The following DLGAP4 variants were observed in gnomAD, a reference collection of about 807,000 sequenced individuals.
The protein encoded by DLGAP4 is DLG associated protein 4, also known as disks large-associated protein 4.
Under a neutral mutation model 86.9 loss-of-function variants are expected in DLGAP4, and 18 were observed. The observed-to-expected ratio is 0.21, with a 90% CI of 0.14 to 0.31. DLGAP4 has a LOEUF of 0.31. Among genes scored for constraint, DLGAP4 ranks in the 10% least tolerant of loss-of-function variants. DLGAP4 has a pLI of 1.00. For synonymous variants in DLGAP4, 548 were observed against 574.3 expected (o/e 0.95, Z 0.65); for missense variants, 1,085 against 1,362.6 (o/e 0.80, Z 3.21).
chr20:36,325,897 T>C (rs2065211536), intron 1 of DLGAP4, among the ~76,000 whole-genome samples: 1 of 151,884 alleles, frequency 6.6e-6, no homozygotes, highest in African/African-American at 2.4e-5. Context: ...TTTGTATTTT[T>C]AGTAGAGACA....
At chr20:36,517,138 G>A (rs1600703493) in intron 10 of DLGAP4, among the ~76,000 whole-genome samples, 2 of 151,610 alleles carry the variant, frequency 1.3e-5, no homozygotes, top group South Asian at 2.1e-4. Context: ...CAGCACTTTC[G>A]GAGGCCGAGG....
intron 2 of DLGAP4, among the ~76,000 whole-genome samples, chr20:36,368,804 G>A (rs914472737): frequency 6.6e-6 from 1 of 152,220 alleles, no homozygotes; most frequent in Non-Finnish European, 1.5e-5. Context: ...GTTTGGCATC[G>A]CACTAAATGC....
intron 7 of DLGAP4, among the ~76,000 whole-genome samples, chr20:36,486,002 C>T (rs1478914716): frequency 1.3e-5 from 2 of 152,094 alleles, no homozygotes; most frequent in South Asian, 4.1e-4. Context: ...TGTGGTGGGG[C>T]GTGATCTGAA....
Position 36,475,952 on chromosome 20 carries a change from C to T in DLGAP4, c.1649-20753C>T, listed in dbSNP as rs191768825. Among the ~76,000 whole-genome samples, 49 of 152,056 alleles carry T rather than the reference C, an allele frequency of 3.2e-4. No individual in the cohort carries two copies. The East Asian group carries it at 8.2e-3, about 25-fold the overall frequency. On this transcript the variant is annotated intron_variant, in intron 7 of 12. Transcript: ENST00000339266. ...TCGGCTCACTGCAACCTTCGCCTCC[C>T]GGGTTCAAGCAATTCTCGTGCCTCA...
At chr20:36,466,713 A>G (rs926636424) in intron 7 of DLGAP4, among the ~76,000 whole-genome samples, 1 of 152,226 alleles carries the variant, frequency 6.6e-6, no homozygotes, top group African/African-American at 2.4e-5. Context: ...TGGCTGTTCC[A>G]CAGCATGGAG....
At chr20:36,491,171 G>A (rs1158947715) in intron 7 of DLGAP4, among the ~76,000 whole-genome samples, 2 of 150,094 alleles carry the variant, frequency 1.3e-5, no homozygotes, top group Admixed American at 6.6e-5. Context: ...CAGCCTGGGC[G>A]ACAGAACAAG....
At position 36,427,541 on chromosome 20, in the gene DLGAP4, C is replaced by T. The variant is rs185000977; in HGVS notation, c.-72-4105C>T. On this transcript the variant is annotated intron_variant, in intron 2 of 12. Coordinates refer to ENST00000339266, the MANE Select transcript of DLGAP4 (RefSeq NM_001365621.2). ...AAGGAAGGAAGGAAATATTTCGGAA[C>T]TAGATGGAGGTAGTGATTACACAGC... Among the ~76,000 whole-genome samples, 45 of 151,854 alleles carry T rather than the reference C, an allele frequency of 3.0e-4. No individual in the cohort carries two copies. The East Asian group carries it at 6.4e-3, about 22-fold the overall frequency.
intron 7 of DLGAP4, chr20:36,462,201 G>T: frequency 9.1e-7 from 1 of 1,094,016 alleles, no homozygotes; most frequent in Non-Finnish European, 1.1e-6. Flanking sequence ...TTCTCCTTGG[G>T]ACCCCCCAAT....
At chr20:36,402,751 A>G (rs535195790) in intron 2 of DLGAP4, among the ~76,000 whole-genome samples, 1 of 149,910 alleles carries the variant, frequency 6.7e-6, no homozygotes, top group African/African-American at 2.4e-5. Context: ...ATAAAAAAAA[A>G]TTTTTTTTTA....
At position 36,431,019 on chromosome 20, in the gene DLGAP4, A is replaced by C. The variant is rs1005847473; in HGVS notation, c.-72-627A>C. On this transcript the variant is annotated intron_variant, in intron 2 of 12. Transcript: ENST00000339266. The surrounding 1 kb of genome is among the most constrained non-coding windows in gnomAD (Gnocchi z 5.1). ...AAGTCCATGTTTTTCCCCATAAGGCAAGGAGAGTTCAGGAGCCCTGGGGAC... is the reference window on the plus strand; with the variant it reads ...AAGTCCATGTTTTTCCCCATAAGGCCAGGAGAGTTCAGGAGCCCTGGGGAC... Among the ~76,000 whole-genome samples the C allele has an allele frequency of 6.6e-6, 1 of 151,556 alleles. No homozygotes were observed. Among genetic ancestry groups the C allele is most frequent in the Non-Finnish European group, 1.5e-5 (1 of 67,952 alleles).
intron 2 of DLGAP4, among the ~76,000 whole-genome samples, chr20:36,380,593 AAGAGAGAGAGAGAGAGAGAGAG>A (rs57814145): frequency 0.038 from 3,718 of 97,086 alleles, 197 homozygotes; most frequent in Non-Finnish European, 0.043. Context: ...GTCTGCATTA[AAGAGAGAGAGAGAGAGAGAGAG>A]AGAGAGAGAG....
intron 2 of DLGAP4, among the ~76,000 whole-genome samples, chr20:36,417,226 G>A (rs1001711476): frequency 2.6e-5 from 4 of 152,292 alleles, no homozygotes; most frequent in South Asian, 2.1e-4. Flanking sequence ...AGAGGCAGCC[G>A]AGTATGTGAA....
intron 1 of DLGAP4, among the ~76,000 whole-genome samples, chr20:36,315,352 G>A (rs1013338104): frequency 3.3e-5 from 5 of 151,974 alleles, no homozygotes; most frequent in Admixed American, 6.6e-5. Flanking sequence ...GGTGTGGTGC[G>A]GTGCGGGGAC....
intron 10 of DLGAP4, among the ~76,000 whole-genome samples, chr20:36,513,264 C>G (rs2036825919): frequency 2.6e-5 from 4 of 151,978 alleles, no homozygotes; most frequent in Non-Finnish European, 5.9e-5. Flanking sequence ...AAGAATTAAT[C>G]TGGGCCGGGC....
rs367578416 is a variant in DLGAP4 at position 36,432,304 on chromosome 20, G to T, written c.587G>T (p.Arg196Leu). 1.1e-5 allele frequency: 18 copies of T among 1,613,458 alleles called. No individual in the cohort carries two copies. The highest frequency in any genetic ancestry group is 1.5e-5 in the Non-Finnish European group (18 of 1,179,856). Residue 196 changes from arginine (R) to leucine (L), a missense_variant, in exon 3 of 13, where the codon CGC becomes CTC. By Grantham distance (102) the Arg-to-Leu change is moderately radical. Transcript: ENST00000339266. This position sits in a 1 kb window ranked among gnomAD's most constrained non-coding sequence, Gnocchi z 6.5. Reference sequence around the variant, plus strand: ...GCCAAGGCTGGGGAGCCCAAACGGCGCAGCCGCTCCAACATCTCAGGCTGG... The same window carrying T: ...GCCAAGGCTGGGGAGCCCAAACGGCTCAGCCGCTCCAACATCTCAGGCTGG... Reference protein sequence around the residue: ...ERAKAGEPKRRSRSNISGWWS... With the variant: ...ERAKAGEPKRLSRSNISGWWS...
chr20:36,369,122 G>A (rs2030817315), intron 2 of DLGAP4, among the ~76,000 whole-genome samples: 2 of 152,200 alleles, frequency 1.3e-5, no homozygotes, highest in Admixed American at 1.3e-4. Context: ...TGTTACTGCT[G>A]CTATTTTGCT....
chr20:36,380,497 A>G (rs755976506), intron 2 of DLGAP4, among the ~76,000 whole-genome samples: 3 of 152,080 alleles, frequency 2.0e-5, no homozygotes, highest in Non-Finnish European at 4.4e-5. Context: ...CTGAGGCAGA[A>G]GGATCACTTG....
At chr20:36,498,236 T>A (rs2035970467) in intron 8 of DLGAP4, 2 of 152,290 alleles carry the variant, frequency 1.3e-5, no homozygotes, top group South Asian at 4.1e-4. Flanking sequence ...AGGCTTCCAC[T>A]TCCCCATGTA....
intron 7 of DLGAP4, among the ~76,000 whole-genome samples, chr20:36,466,930 C>CTCTCTCTCTCTCTCTG (rs2034386046): frequency 6.8e-6 from 1 of 147,488 alleles, no homozygotes; most frequent in South Asian, 2.1e-4. Context: ...CTCTTGCTCT[C>CTCTCTCTCTCTCTCTG]TCTCTCTCTC....
Sources: allele counts gnomAD v4.1 joint callset (sites outside exome capture counted in the v4.1 genomes callset), GRCh38; gene constraint gnomAD v4.1.1; non-coding constraint Gnocchi (gnomAD v3.1); transcripts MANE v1.5; gene names NCBI Gene and HGNC (gene_info 2026-07-23, HGNC 2026-07-21).